LPA: variants seen among roughly 807,000 people sequenced by gnomAD.
LPA encodes apolipoprotein(a).
Under a neutral mutation model 197.9 loss-of-function variants are expected in LPA, and 199 were observed. The ratio of observed to expected loss-of-function variants is 1.01; its 90% CI spans 0.90 to 1.13. The LOEUF is 1.13. Ranked by LOEUF, LPA falls within the 50% of genes most tolerant of loss-of-function variation. The probability of loss-of-function intolerance (pLI) is 0.00; values close to 1 mark genes in which losing one functional copy is unlikely to be tolerated. For synonymous variants in LPA, 715 were observed against 639.5 expected (o/e 1.12, Z -1.78); for missense variants, 1,853 against 1,785.8 (o/e 1.04, Z -0.68).
chr6:160,606,004 C>T (rs747551435), intron 17 of LPA, among the ~76,000 whole-genome samples: 6 of 152,134 alleles, frequency 3.9e-5, no homozygotes, highest in Admixed American at 6.5e-5. Context: ...CTCCATAGAA[C>T]CAGGGTGATT....
chr6:160,577,270 G>C lies in LPA; in HGVS notation c.4497C>G (p.Val1499=), dbSNP rs1286440974. The change falls in exon 28 of 39, where the codon GTC becomes GTG. Residue 1499 remains valine (V), a synonymous_variant. Transcript: ENST00000316300. ...GTCCATCACCATGGTAGCAATCCTG[G>C]ACCACAGGGCTTTTCTCAGGTGGTG... ...EQAPPEKSPV[V]QDCYHGDGRS... 1 of 1,613,572 alleles carries C rather than the reference G, an allele frequency of 6.2e-7. No homozygotes were observed. The highest frequency in any genetic ancestry group is 8.5e-7 in the Non-Finnish European group (1 of 1,179,772).
intron 4 of LPA, among the ~76,000 whole-genome samples, chr6:160,641,606 A>T (rs142732629): frequency 0.4 from 4 of 10 alleles, no homozygotes; most frequent in Non-Finnish European, 0.5. Context: ...GGACTGAGGG[A>T]AAGGGGGATG....
chr6:160,579,765 T>A (rs537107339), intron 26 of LPA, among the ~76,000 whole-genome samples: 1 of 152,314 alleles, frequency 6.6e-6, no homozygotes, highest in South Asian at 2.1e-4. Context: ...ACTCTACACA[T>A]GTGACCTAGT....
At chr6:160,652,015 A>AC (rs1182987390) in intron 1 of LPA, among the ~76,000 whole-genome samples, 1 of 110,640 alleles carries the variant, frequency 9.0e-6, no homozygotes, top group Admixed American at 8.5e-5. Context: ...AGAGTTCCTG[A>AC]CAAAAAAAAA....
chr6:160,626,450 TTGTGTGTG>T (rs141731887), intron 10 of LPA, among the ~76,000 whole-genome samples: 2 of 107,960 alleles, frequency 1.9e-5, no homozygotes, highest in East Asian at 2.4e-4. Flanking sequence ...TGTTTTCAGT[TTGTGTGTG>T]TGTGTGTGTG....
chr6:160,646,968 C>G (rs1178772115), intron 2 of LPA, among the ~76,000 whole-genome samples: 1 of 152,154 alleles, frequency 6.6e-6, no homozygotes, highest in African/African-American at 2.4e-5. Context: ...CATGGAAAAG[C>G]ATTGTGCAAA....
intron 20 of LPA, 133 bp from the exon 21 acceptor site, chr6:160,595,668 G>A: frequency 1.5e-6 from 2 of 1,292,820 alleles, no homozygotes; most frequent in Non-Finnish European, 2.2e-6. Context: ...CCCATAATAT[G>A]CACAAATGGT....
At chr6:160,546,362 A>G (rs538813745) in intron 32 of LPA, among the ~76,000 whole-genome samples, 1 of 152,298 alleles carries the variant, frequency 6.6e-6, no homozygotes, top group South Asian at 2.1e-4. Context: ...GGACTGGTGC[A>G]CTGGAGAGGG....
At chr6:160,604,040 C>T (rs547037276) in intron 18 of LPA, among the ~76,000 whole-genome samples, 9 of 152,264 alleles carry the variant, frequency 5.9e-5, no homozygotes, top group African/African-American at 2.2e-4. Flanking sequence ...CTTTTCTCTA[C>T]TTTCTTGTGG....
chr6:160,657,677 G>A (rs566916143), intron 1 of LPA, among the ~76,000 whole-genome samples: 15 of 152,234 alleles, frequency 9.9e-5, no homozygotes, highest in South Asian at 4.1e-4. Context: ...GATTACAGGC[G>A]TGAGCCACTG....
chr6:160,585,257 T>G, intron 25 of LPA, 52 bp from the exon 26 acceptor site: 1 of 1,582,904 alleles, frequency 6.3e-7, no homozygotes, highest in Non-Finnish European at 8.7e-7. Flanking sequence ...AAGGGAAATG[T>G]GAAAAAAATT....
chr6:160,587,944 G>C (rs753713318), intron 24 of LPA, among the ~76,000 whole-genome samples: 50 of 152,074 alleles, frequency 3.3e-4, no homozygotes, highest in Non-Finnish European at 4.6e-4. Flanking sequence ...CCTTTTCTCA[G>C]TTCTTTAATT....
At chr6:160,596,008 C>G (rs1345231100) in intron 20 of LPA, among the ~76,000 whole-genome samples, 1 of 152,182 alleles carries the variant, frequency 6.6e-6, no homozygotes, top group Non-Finnish European at 1.5e-5. Flanking sequence ...TCTCTGTCAG[C>G]CTCTCTGTAT....
intron 26 of LPA, among the ~76,000 whole-genome samples, chr6:160,583,272 C>G (rs571085293): frequency 6.6e-6 from 1 of 152,196 alleles, no homozygotes; most frequent in Non-Finnish European, 1.5e-5. Context: ...ATTGTGCATA[C>G]TATATAATTG....
chr6:160,655,851 G>T (rs528875466), intron 1 of LPA, among the ~76,000 whole-genome samples: 2 of 152,280 alleles, frequency 1.3e-5, no homozygotes, highest in Admixed American at 6.5e-5. Flanking sequence ...AGCGAGCAAG[G>T]TCTCTCCAAA....
rs374804771 is a variant in LPA, at chr6:160,606,525, G to A, written c.2737C>T (p.Pro913Ser). 2 of 1,613,448 alleles carry A rather than the reference G, an allele frequency of 1.2e-6. No homozygotes were observed. The highest frequency in any genetic ancestry group is 1.7e-6 in the Non-Finnish European group (2 of 1,179,932). ...CTTGGAATCGGGGTAATAGTTGGAGGCGCGACGGCAGTCCCTTCTGCGTCT... is the reference window on the plus strand; with the variant it reads ...CTTGGAATCGGGGTAATAGTTGGAGACGCGACGGCAGTCCCTTCTGCGTCT... The part of the protein sequence containing the change: ...CSDAEGTAVA[P>S]PTITPIPSLE... The change falls in exon 17 of 39, where the codon CCT becomes TCT. Residue 913 changes from proline to serine, a missense_variant. Pro to Ser is a moderately conservative substitution (Grantham distance 74). Coordinates refer to ENST00000316300, the MANE Select transcript of LPA (RefSeq NM_005577.4).
chr6:160,579,513 G>A (rs1261870561), intron 26 of LPA, among the ~76,000 whole-genome samples: 2 of 152,178 alleles, frequency 1.3e-5, no homozygotes, highest in African/African-American at 4.8e-5. Flanking sequence ...AAGGGAGACG[G>A]CTAGGTAGAC....
At chr6:160,606,850 A>G (rs183980429) in intron 16 of LPA, among the ~76,000 whole-genome samples, 192 bp from the exon 17 acceptor site, 1 of 152,242 alleles carries the variant, frequency 6.6e-6, no homozygotes, top group East Asian at 1.9e-4. Context: ...TCATACTTAA[A>G]AGATTATTAT....
At chr6:160,611,259 T>C (rs901010106) in intron 16 of LPA, among the ~76,000 whole-genome samples, 1 of 152,110 alleles carries the variant, frequency 6.6e-6, no homozygotes, top group African/African-American at 2.4e-5. Flanking sequence ...TCATTGACGC[T>C]TAGTGGGTGT....
Sources: gnomAD v4.1 joint callset for allele counts (sites outside exome capture counted in the v4.1 genomes callset) on GRCh38, gnomAD v4.1.1 for gene constraint, MANE v1.5 for transcripts, NCBI Gene and HGNC (gene_info 2026-07-23, HGNC 2026-07-21) for gene names.